Variants in SRC observed in about 807,000 individuals in gnomAD.
SRC encodes SRC proto-oncogene, non-receptor tyrosine kinase.
SRC carries 13 observed loss-of-function variants against 62.9 expected under a neutral mutation model. The observed-to-expected ratio is 0.21, with a 90% confidence interval of 0.13 to 0.33. The LOEUF is 0.33. SRC is among the 10% of genes least tolerant of loss of function. The probability of loss-of-function intolerance (pLI) is 1.00; values close to 1 mark genes in which losing one functional copy is unlikely to be tolerated. For synonymous variants in SRC, 302 were observed against 317.5 expected (o/e 0.95, Z 0.52); for missense variants, 457 against 737.3 (o/e 0.62, Z 4.40).
intron 1 of SRC, among the ~76,000 whole-genome samples, chr20:37,363,206 T>C (rs1231170893): frequency 6.6e-6 from 1 of 152,094 alleles, no homozygotes; most frequent in Non-Finnish European, 1.5e-5. Context: ...CCCAGGGGCC[T>C]GAGAAAAGCT....
intron 2 of SRC, among the ~76,000 whole-genome samples, chr20:37,380,480 A>C: frequency 6.6e-6 from 1 of 152,234 alleles, no homozygotes; most frequent in East Asian, 1.9e-4. Flanking sequence ...CAATGTTTGC[A>C]AAGTACTTAG....
At chr20:37,345,340 GT>G (rs1292075980), upstream of SRC, among the ~76,000 whole-genome samples, 1 of 152,044 alleles carries the variant, frequency 6.6e-6, no homozygotes, top group East Asian at 1.9e-4. Flanking sequence ...TCAATGTCCC[GT>G]TTTTCTGCTA....
chr20:37,402,278 C>A lies in SRC; in HGVS notation c.1117-157C>A. 1.2e-6 allele frequency: 1 copy of A among 846,700 alleles called. No individual in the cohort carries two copies. Among genetic ancestry groups the A allele is most frequent in the Non-Finnish European group, 1.8e-6 (1 of 555,758 alleles). The allele number at this position is 846,700 out of a possible 1,614,324, so 52.4% of individuals were successfully genotyped here. ...TCCCGCAGAGCACTGCTCCTGCTTT[C>A]GATGCCAACAGCATTTACTGTGAAC... On this transcript the variant is annotated intron_variant, in intron 11 of 13. Transcript: ENST00000373578. This position sits in a 1 kb window ranked among gnomAD's most constrained non-coding sequence, Gnocchi z 6.2.
chr20:37,351,205 C>T lies in SRC; in HGVS notation c.-247+4950C>T, dbSNP rs570022912. Among the ~76,000 whole-genome samples the T allele has an allele frequency of 3.9e-5, 6 of 152,326 alleles. No individual in the cohort carries two copies. The highest frequency in any genetic ancestry group is 5.9e-5 in the Non-Finnish European group (4 of 68,030). On this transcript the variant is annotated intron_variant, in intron 1 of 13. Coordinates refer to ENST00000373578, the MANE Select transcript of SRC (RefSeq NM_198291.3). This position sits in a 1 kb window ranked among gnomAD's most constrained non-coding sequence, Gnocchi z 4.4. ...CTTTGGTCCATTTGGTCCTTCTTCT[C>T]CCTTAGAACTACCCAGAGAAGTTCC...
In SRC at chr20:37,402,340, G is replaced by C; in HGVS notation, c.1117-95G>C. The C allele has an allele frequency of 6.8e-7, 1 of 1,477,678 alleles. No individual in the cohort carries two copies. Among genetic ancestry groups the C allele is most frequent in the Non-Finnish European group, 9.2e-7 (1 of 1,089,752 alleles). The allele number at this position is 1,477,678 out of a possible 1,614,324, so 91.5% of individuals were successfully genotyped here. A position where few individuals can be genotyped will look rare whatever the true frequency, so the allele number is the denominator to read the frequency against. ...GCCTGAAGAAGTGTGGGGAGGGTGG[G>C]GAAGGGGTGGTTGGCTCTCCAGCCC... is the stretch of plus-strand genomic sequence containing the variant. On this transcript the variant is annotated intron_variant, in intron 11 of 13. Coordinates refer to ENST00000373578, the MANE Select transcript of SRC (RefSeq NM_198291.3). The surrounding 1 kb of genome is among the most constrained non-coding windows in gnomAD (Gnocchi z 6.2).
At chr20:37,360,369 G>A (rs1045061859) in intron 1 of SRC, among the ~76,000 whole-genome samples, 10 of 151,620 alleles carry the variant, frequency 6.6e-5, no homozygotes, top group African/African-American at 1.5e-4. Flanking sequence ...GACTACAGGC[G>A]CATACCACCC....
intron 10 of SRC, among the ~76,000 whole-genome samples, chr20:37,401,254 C>T (rs986119741): frequency 1.3e-5 from 2 of 152,220 alleles, no homozygotes; most frequent in South Asian, 2.1e-4. Context: ...CTTCCCACCT[C>T]GGCCTCCCAC....
intron 7 of SRC, among the ~76,000 whole-genome samples, chr20:37,395,685 C>T (rs1428963096): frequency 6.6e-6 from 1 of 152,162 alleles, no homozygotes; most frequent in Admixed American, 6.5e-5. Flanking sequence ...GACAGTGCCC[C>T]CGCAAGCTGA....
chr20:37,345,096 G>C (rs973685803), upstream of SRC, among the ~76,000 whole-genome samples: 2 of 152,190 alleles, frequency 1.3e-5, no homozygotes, highest in African/African-American at 4.8e-5. Context: ...CCAGGGAATA[G>C]AAGCCTGACC....
At position 37,403,723 on chromosome 20, in the gene SRC, T is replaced by C; in HGVS notation, c.*344T>C. On this transcript the variant is annotated 3_prime_UTR_variant, in exon 14 of 14. Transcript: ENST00000373578. This position sits in a 1 kb window ranked among gnomAD's most constrained non-coding sequence, Gnocchi z 7.1. ...AGGGTGCCCTTTTCCAGCCTCAGCCTACTCCGCTCACTGAACTCCTTCCCC... is the reference window on the plus strand; with the variant it reads ...AGGGTGCCCTTTTCCAGCCTCAGCCCACTCCGCTCACTGAACTCCTTCCCC... The C allele has an allele frequency of 2.8e-6, 1 of 359,712 alleles. No individual in the cohort carries two copies. Among genetic ancestry groups the C allele is most frequent in the Non-Finnish European group, 5.2e-6 (1 of 193,412 alleles). The allele number at this position is 359,712 out of a possible 1,614,324, so 22.3% of individuals were successfully genotyped here.
At chr20:37,359,714 G>A (rs1237763348) in intron 1 of SRC, among the ~76,000 whole-genome samples, 4 of 152,156 alleles carry the variant, frequency 2.6e-5, no homozygotes, top group African/African-American at 7.2e-5. Flanking sequence ...CATCTAAAAC[G>A]CAGGCTTTGG....
chr20:37,370,340 C>G (rs6018091), intron 2 of SRC, among the ~76,000 whole-genome samples: 1 of 152,078 alleles, frequency 6.6e-6, no homozygotes, highest in Non-Finnish European at 1.5e-5. Flanking sequence ...TTTGGGAGAC[C>G]AAGGCGGGAG....
At chr20:37,375,219 C>T (rs1399974088) in intron 2 of SRC, among the ~76,000 whole-genome samples, 1 of 151,372 alleles carries the variant, frequency 6.6e-6, no homozygotes, top group Non-Finnish European at 1.5e-5. Context: ...GCATGAGCCA[C>T]CGCACCTGGC....
At chr20:37,401,484 TA>T in intron 10 of SRC, 117 bp from the exon 11 acceptor site, 1 of 696,588 alleles carries the variant, frequency 1.4e-6, no homozygotes. Context: ...TGAGTTTACG[TA>T]AAATCTGCTG....
chr20:37,368,066 T>C (rs2070092985), intron 2 of SRC, among the ~76,000 whole-genome samples: 1 of 152,210 alleles, frequency 6.6e-6, no homozygotes, highest in Non-Finnish European at 1.5e-5. Flanking sequence ...TTTTTAATTG[T>C]GATGAAGTGC....
chr20:37,376,912 T>G (rs6090575), intron 2 of SRC, among the ~76,000 whole-genome samples: 16,846 of 152,244 alleles, frequency 0.11, 1,211 homozygotes, highest in African/African-American at 0.21. Context: ...CTTTGGACCA[T>G]GGGGTCATTG....
At chr20:37,388,841 G>A (rs1416330004) in intron 5 of SRC, among the ~76,000 whole-genome samples, 1 of 152,128 alleles carries the variant, frequency 6.6e-6, no homozygotes, top group African/African-American at 2.4e-5. Context: ...CTTGGTAGGA[G>A]ATGGGCCACC....
In SRC at chr20:37,346,232, G is replaced by C. The variant is rs1472684748; in HGVS notation, c.-270G>C. ...CCCTCCCGTGCGTCCGTCTGCCGGT[G>C]AGCCCGCCCGCCCGCCGGCCCAGGT... On this transcript the variant is annotated 5_prime_UTR_variant, in exon 1 of 14. Transcript: ENST00000373578. The C allele has an allele frequency of 6.6e-6, 1 of 150,594 alleles. No individual in the cohort carries two copies. The highest frequency in any genetic ancestry group is 2.0e-4 in the South Asian group (1 of 4,938). The allele number at this position is 150,594 out of a possible 1,614,324, so 9.3% of individuals were successfully genotyped here. A position where few individuals can be genotyped will look rare whatever the true frequency, so the allele number is the denominator to read the frequency against.
At chr20:37,388,375 G>A (rs981518432) in intron 5 of SRC, among the ~76,000 whole-genome samples, 1 of 152,206 alleles carries the variant, frequency 6.6e-6, no homozygotes, top group African/African-American at 2.4e-5. Flanking sequence ...CCCTGGGGTA[G>A]CTGATTGGGA....
Sources: gnomAD v4.1 joint callset for allele counts (sites outside exome capture counted in the v4.1 genomes callset) on GRCh38, gnomAD v4.1.1 for gene constraint, Gnocchi (gnomAD v3.1) non-coding constraint, MANE v1.5 for transcripts, NCBI Gene and HGNC (gene_info 2026-07-23, HGNC 2026-07-21) for gene names.